Variants in CNTN3 observed in about 807,000 individuals in gnomAD.
CNTN3 encodes contactin 3.
In CNTN3, 60 loss-of-function variants were observed where a neutral mutation model predicts 119.1. The ratio of observed to expected loss-of-function variants is 0.50; its 90% confidence interval spans 0.41 to 0.62. The LOEUF is 0.62. CNTN3 is among the 20% of genes least tolerant of loss of function. CNTN3 has a pLI of 0.00. For synonymous variants in CNTN3, 450 were observed against 438.7 expected (o/e 1.03, Z -0.32); for missense variants, 1,101 against 1,242.4 (o/e 0.89, Z 1.71).
At chr3:74,286,032 C>G (rs1702110279) in intron 19 of CNTN3, among the ~76,000 whole-genome samples, 1 of 151,576 alleles carries the variant, frequency 6.6e-6, no homozygotes, top group Admixed American at 6.6e-5. Flanking sequence ...TTTAAATAGT[C>G]AAAGTACTAC....
At chr3:74,344,396 GGTTTTTTTTTTTTTTTTTTTT>G (rs1703629634) in intron 11 of CNTN3, among the ~76,000 whole-genome samples, 1 of 87,812 alleles carries the variant, frequency 1.1e-5, no homozygotes, top group Non-Finnish European at 2.3e-5. Flanking sequence ...CTTACACAGT[GGTTTTTTTTTTTTTTTTTTTT>G]TTTTTTTTTT....
At chr3:74,471,818 A>G (rs1470750738) in intron 4 of CNTN3, among the ~76,000 whole-genome samples, 1 of 152,186 alleles carries the variant, frequency 6.6e-6, no homozygotes, top group East Asian at 1.9e-4. Flanking sequence ...GTTTTCCTTT[A>G]TAGTTATCTG....
At chr3:74,273,749 C>T (rs1454878873) in intron 20 of CNTN3, among the ~76,000 whole-genome samples, 3 of 152,190 alleles carry the variant, frequency 2.0e-5, no homozygotes, top group Admixed American at 2.0e-4. Context: ...AGGAAACCAC[C>T]ACAAGAAGGA....
intron 4 of CNTN3, among the ~76,000 whole-genome samples, chr3:74,431,768 T>A (rs1701787017): frequency 6.6e-6 from 1 of 152,120 alleles, no homozygotes; most frequent in Admixed American, 6.6e-5. Context: ...TGGCAATATA[T>A]CTGAAATGGT....
At chr3:74,336,781 C>T in intron 11 of CNTN3, 123 bp from the exon 12 acceptor site, 1 of 674,590 alleles carries the variant, frequency 1.5e-6, no homozygotes, top group Non-Finnish European at 2.3e-6. Context: ...TCAACCAGTC[C>T]TTAGCTTTTT....
At chr3:74,513,375 G>A (rs1703401329) in intron 2 of CNTN3, among the ~76,000 whole-genome samples, 1 of 151,994 alleles carries the variant, frequency 6.6e-6, no homozygotes, top group Non-Finnish European at 1.5e-5. Context: ...CAACCTCCCT[G>A]CTTATAAGAT....
chr3:74,414,458 G>C (rs554558919), intron 5 of CNTN3, among the ~76,000 whole-genome samples: 1 of 152,256 alleles, frequency 6.6e-6, no homozygotes, highest in South Asian at 2.1e-4. Flanking sequence ...ATTTACATTT[G>C]TATGACTTGA....
chr3:74,451,058 T>C (rs1702144619), intron 4 of CNTN3, among the ~76,000 whole-genome samples: 1 of 152,106 alleles, frequency 6.6e-6, no homozygotes, highest in African/African-American at 2.4e-5. Context: ...CAAATGGTAT[T>C]TCTAGTTCTA....
intron 11 of CNTN3, among the ~76,000 whole-genome samples, chr3:74,339,189 C>T (rs1408598596): frequency 6.6e-6 from 1 of 151,972 alleles, no homozygotes; most frequent in Non-Finnish European, 1.5e-5. Context: ...ATCACGTGAT[C>T]CTGCCCTCCT....
At chr3:74,269,875 G>T (rs1011004973) in intron 20 of CNTN3, among the ~76,000 whole-genome samples, 2 of 152,100 alleles carry the variant, frequency 1.3e-5, no homozygotes, top group Non-Finnish European at 1.5e-5. Flanking sequence ...GGGAAATGGA[G>T]AATTGCTTAA....
intron 20 of CNTN3, among the ~76,000 whole-genome samples, chr3:74,274,798 A>G (rs1701848948): frequency 6.6e-6 from 1 of 152,220 alleles, no homozygotes; most frequent in Admixed American, 6.5e-5. Context: ...ATCCAAACAA[A>G]GAAGAAATCC....
chr3:74,605,881 G>C (rs1015550054), intron 1 of CNTN3, among the ~76,000 whole-genome samples: 1 of 152,170 alleles, frequency 6.6e-6, no homozygotes, highest in East Asian at 1.9e-4. Flanking sequence ...AGGTAAGAGT[G>C]AGTCACCATG....
rs765351195 is a variant in CNTN3, at chr3:74,361,975, C to G, written c.1279G>C (p.Val427Leu). The G allele has an allele frequency of 6.2e-7, 1 of 1,613,814 alleles. No individual in the cohort carries two copies. Among genetic ancestry groups the G allele is most frequent in the Admixed American group, 1.7e-5 (1 of 60,004 alleles). Reference sequence around the variant, plus strand: ...GCTCTGGGTTTACAATCCAAGCTGACCAGGCTGCCCACCTGCACCTGAACC... The same window carrying G: ...GCTCTGGGTTTACAATCCAAGCTGAGCAGGCTGCCCACCTGCACCTGAACC... Reference protein sequence around the residue: ...KLVQVQVGSLVSLDCKPRASP... With the variant: ...KLVQVQVGSLLSLDCKPRASP... Residue 427 changes from valine (V) to leucine (L), a missense_variant, in exon 11 of 23, where the codon GTC becomes CTC. By Grantham distance (32) the Val-to-Leu change is conservative. Transcript: ENST00000263665.
chr3:74,382,593 C>A (rs925214189), intron 5 of CNTN3, among the ~76,000 whole-genome samples: 5 of 152,112 alleles, frequency 3.3e-5, no homozygotes, highest in Non-Finnish European at 5.9e-5. Context: ...TTTCTAGATG[C>A]CAAGTGTAAG....
At chr3:74,285,811 ATATATATATATATATATATATATATAT>A (rs1702103025) in intron 19 of CNTN3, among the ~76,000 whole-genome samples, 1 of 106,678 alleles carries the variant, frequency 9.4e-6, no homozygotes, top group African/African-American at 5.6e-5. Context: ...ATATATATAT[ATATATATATATATATATATATATATAT>A]AAAATTAAAA....
chr3:74,521,752 C>T (rs957307445), intron 1 of CNTN3, among the ~76,000 whole-genome samples: 5 of 151,776 alleles, frequency 3.3e-5, no homozygotes, highest in Non-Finnish European at 7.4e-5. Flanking sequence ...AGTCTGAGAA[C>T]CTTGCAAATG....
In CNTN3 at chr3:74,543,231, T is replaced by C. The variant is rs138347547; in HGVS notation, c.-80-22039A>G. On this transcript the variant is annotated intron_variant, in intron 1 of 22. Transcript: ENST00000263665. ...TAGGATATAAACAATCAAGATAAAA[T>C]TGAATATAGGAGTATTTAAGAAGAT... Among the ~76,000 whole-genome samples, 69 of 152,158 alleles carry C rather than the reference T, an allele frequency of 4.5e-4. 2 individuals are homozygous for C. Among genetic ancestry groups the C allele is most frequent in the Middle Eastern group, 6.8e-3 (2 of 294 alleles).
chr3:74,485,683 T>C (rs1270955817), intron 4 of CNTN3, among the ~76,000 whole-genome samples: 1 of 150,664 alleles, frequency 6.6e-6, no homozygotes, highest in African/African-American at 2.4e-5. Flanking sequence ...ACCAAGGTAA[T>C]CATGATATGC....
At chr3:74,513,263 G>C (rs998981123) in intron 2 of CNTN3, among the ~76,000 whole-genome samples, 4 of 152,122 alleles carry the variant, frequency 2.6e-5, no homozygotes, top group African/African-American at 9.7e-5. Flanking sequence ...AATCGTACCA[G>C]TGCTTCCATG....
Sources: allele counts gnomAD v4.1 joint callset (sites outside exome capture counted in the v4.1 genomes callset), GRCh38; gene constraint gnomAD v4.1.1; transcripts MANE v1.5; gene names NCBI Gene and HGNC (gene_info 2026-07-23, HGNC 2026-07-21).